SSBP2: variants seen among roughly 807,000 people sequenced by gnomAD.
SSBP2 encodes the protein single stranded DNA binding protein 2, also known as single-stranded DNA-binding protein 2.
A neutral mutation model predicts 61.8 loss-of-function variants in SSBP2; 17 were observed. The ratio of observed to expected loss-of-function variants is 0.28; its 90% CI spans 0.19 to 0.41. The LOEUF (loss-of-function observed/expected upper bound fraction) is 0.41. SSBP2 is among the 10% of genes least tolerant of loss of function. The probability of loss-of-function intolerance (pLI) is 1.00; values close to 1 mark genes in which losing one functional copy is unlikely to be tolerated. For synonymous variants in SSBP2, 139 were observed against 141.3 expected (o/e 0.98, Z 0.12); for missense variants, 310 against 458.7 (o/e 0.68, Z 2.96).
At position 81,685,260 on chromosome 5, in the gene SSBP2, C is replaced by G. The variant is rs569336971; in HGVS notation, c.63-34921G>C. On this transcript the variant is annotated intron_variant, in intron 1 of 16. Coordinates refer to ENST00000320672, the MANE Select transcript of SSBP2 (RefSeq NM_012446.5). ...CCCAGTCTCAGGTAGTTCTTTATAG[C>G]AGCATAACAATAGACTAATACAGTA... 1.4e-4 allele frequency among the ~76,000 whole-genome samples: 21 copies of G among 152,202 alleles called. No homozygotes were observed. The South Asian group carries it at 2.9e-3, about 21-fold the overall frequency.
intron 4 of SSBP2, among the ~76,000 whole-genome samples, chr5:81,544,348 A>T (rs1002455928): frequency 6.6e-6 from 1 of 151,992 alleles, no homozygotes; most frequent in African/African-American, 2.4e-5. Context: ...CGCCTGGCCC[A>T]CCTTTATTTC....
intron 5 of SSBP2, among the ~76,000 whole-genome samples, chr5:81,506,698 G>A (rs1401882730): frequency 6.6e-6 from 1 of 152,052 alleles, no homozygotes; most frequent in East Asian, 1.9e-4. Flanking sequence ...GTATATAAAC[G>A]GCTGGATTTA....
intron 4 of SSBP2, among the ~76,000 whole-genome samples, chr5:81,605,800 T>C (rs774011942): frequency 3.3e-5 from 5 of 152,304 alleles, no homozygotes; most frequent in East Asian, 1.9e-4. Flanking sequence ...GTACTCACTA[T>C]AGACGCAGAG....
intron 9 of SSBP2, among the ~76,000 whole-genome samples, chr5:81,461,962 A>G (rs1464894200): frequency 1.3e-5 from 2 of 152,156 alleles, no homozygotes; most frequent in African/African-American, 4.8e-5. Context: ...GTCTCCTCTA[A>G]TTAGGGTCAT....
intron 1 of SSBP2, among the ~76,000 whole-genome samples, chr5:81,702,921 A>T (rs995040659): frequency 1.3e-5 from 2 of 152,226 alleles, no homozygotes; most frequent in Non-Finnish European, 2.9e-5. Flanking sequence ...GCTGTGGCTC[A>T]ATCTTAATGT....
At chr5:81,587,747 GCACACACACGCGCGCGCA>G (rs1005488623) in intron 4 of SSBP2, among the ~76,000 whole-genome samples, 3 of 128,230 alleles carry the variant, frequency 2.3e-5, no homozygotes, top group African/African-American at 8.7e-5. Flanking sequence ...ACACACACAC[GCACACACACGCGCGCGCA>G]CACACACACA....
chr5:81,630,173 T>A (rs1048297279), intron 3 of SSBP2, among the ~76,000 whole-genome samples: 1 of 152,226 alleles, frequency 6.6e-6, no homozygotes, highest in Non-Finnish European at 1.5e-5. Context: ...ATGCATGTTA[T>A]CCTAATCATG....
chr5:81,704,744 C>A (rs1022684375), intron 1 of SSBP2, among the ~76,000 whole-genome samples: 19 of 134,064 alleles, frequency 1.4e-4, no homozygotes, highest in African/African-American at 5.6e-4. Flanking sequence ...TGCAGTGAGC[C>A]GAGATCACAC....
intron 4 of SSBP2, among the ~76,000 whole-genome samples, chr5:81,571,786 T>C (rs932953301): frequency 4.6e-5 from 7 of 152,120 alleles, no homozygotes; most frequent in Non-Finnish European, 8.8e-5. Context: ...AATTTTCCTA[T>C]TCTTCTGGCT....
chr5:81,477,908 G>T (rs1250604308), intron 6 of SSBP2, among the ~76,000 whole-genome samples: 1 of 152,078 alleles, frequency 6.6e-6, no homozygotes, highest in Admixed American at 6.6e-5. Flanking sequence ...AGAATGAGAA[G>T]TAAGAAGATA....
rs551630884 is a variant in SSBP2, at chr5:81,436,751, G to A, written c.957+679C>T. On this transcript the variant is annotated intron_variant, in intron 15 of 16. Coordinates refer to ENST00000320672, the MANE Select transcript of SSBP2 (RefSeq NM_012446.5). ...ATTCTAAATATATTTGATTCACTGA[G>A]AACTATTTTAAATTCATCATGACCT... is the stretch of plus-strand genomic sequence containing the variant. Among the ~76,000 whole-genome samples, 3 of 152,080 alleles carry A rather than the reference G, an allele frequency of 2.0e-5. No homozygotes were observed. The South Asian group carries it at 6.2e-4, about 32-fold the overall frequency.
intron 6 of SSBP2, among the ~76,000 whole-genome samples, chr5:81,488,010 A>AT (rs1766513158): frequency 2.6e-5 from 1 of 38,938 alleles, no homozygotes; most frequent in Non-Finnish European, 5.0e-5. Flanking sequence ...ATGGCCAAAT[A>AT]ATATATATAT....
At chr5:81,550,940 C>G (rs968427487) in intron 4 of SSBP2, among the ~76,000 whole-genome samples, 1 of 151,814 alleles carries the variant, frequency 6.6e-6, no homozygotes, top group Non-Finnish European at 1.5e-5. Flanking sequence ...ACTAAAAATA[C>G]AGAAAATTAG....
intron 5 of SSBP2, among the ~76,000 whole-genome samples, chr5:81,503,373 G>A (rs1767943455): frequency 6.6e-6 from 1 of 152,190 alleles, no homozygotes; most frequent in African/African-American, 2.4e-5. Flanking sequence ...AGAATAGCTT[G>A]AACCCGGGAG....
At chr5:81,606,379 G>T (rs1744879614) in intron 4 of SSBP2, among the ~76,000 whole-genome samples, 2 of 152,114 alleles carry the variant, frequency 1.3e-5, no homozygotes, top group Non-Finnish European at 1.5e-5. Flanking sequence ...CTCCCACAGA[G>T]ACCATTTAGA....
chr5:81,655,162 T>A (rs923843821), intron 1 of SSBP2, among the ~76,000 whole-genome samples: 1 of 151,928 alleles, frequency 6.6e-6, no homozygotes, highest in African/African-American at 2.4e-5. Context: ...AAAATATACA[T>A]ATAAAGAAAA....
intron 1 of SSBP2, among the ~76,000 whole-genome samples, chr5:81,734,243 CA>C (rs1296916617): frequency 6.6e-6 from 1 of 151,938 alleles, no homozygotes; most frequent in Non-Finnish European, 1.5e-5. Flanking sequence ...TACATACTAA[CA>C]AAAAAACCTT....
chr5:81,700,726 C>T (rs1034862387), intron 1 of SSBP2, among the ~76,000 whole-genome samples: 4 of 151,744 alleles, frequency 2.6e-5, no homozygotes, highest in Non-Finnish European at 5.9e-5. Context: ...TGCTTCTTCA[C>T]TTTGCACTTT....
At chr5:81,436,942 A>G (rs923839866) in intron 15 of SSBP2, among the ~76,000 whole-genome samples, 2 of 152,058 alleles carry the variant, frequency 1.3e-5, no homozygotes, top group African/African-American at 4.8e-5. Context: ...TTCTTACTCT[A>G]TTTTGGGGAC....
Sources: gnomAD v4.1 joint callset for allele counts (sites outside exome capture counted in the v4.1 genomes callset) on GRCh38, gnomAD v4.1.1 for gene constraint, MANE v1.5 for transcripts, NCBI Gene and HGNC (gene_info 2026-07-23, HGNC 2026-07-21) for gene names.